Variants in SCFD2 observed in about 807,000 individuals in gnomAD.
SCFD2 encodes the protein sec1 family domain-containing protein 2.
A neutral mutation model predicts 58.9 loss-of-function variants in SCFD2; 54 were observed. The observed-to-expected ratio is 0.92, with a 90% CI of 0.74 to 1.15. SCFD2 has a LOEUF of 1.15. Among genes scored for constraint, SCFD2 ranks in the 50% most tolerant of loss-of-function variants. The pLI is 0.00. For synonymous variants in SCFD2, 321 were observed against 335.9 expected, an observed-to-expected ratio of 0.96 and a Z score of 0.49; for missense variants, 805 against 836.6, an observed-to-expected ratio of 0.96 and a Z score of 0.47.
chr4:53,122,636 A>C (rs1725513235), intron 5 of SCFD2, among the ~76,000 whole-genome samples: 1 of 152,226 alleles, frequency 6.6e-6, no homozygotes, highest in African/African-American at 2.4e-5. Flanking sequence ...CTTCGACTCC[A>C]GATGGGCCTA....
chr4:53,179,856 C>T (rs575671754), intron 4 of SCFD2, among the ~76,000 whole-genome samples: 17 of 152,078 alleles, frequency 1.1e-4, no homozygotes, highest in Non-Finnish European at 2.2e-4. Context: ...CAATCCTAGT[C>T]TCTGATAAAA....
chr4:53,212,144 T>C (rs1386140571), intron 4 of SCFD2, among the ~76,000 whole-genome samples: 2 of 152,124 alleles, frequency 1.3e-5, no homozygotes, highest in African/African-American at 4.8e-5. Context: ...CTATTCCTTC[T>C]GCTGGGGAAA....
At chr4:53,306,826 C>A (rs971588750) in intron 3 of SCFD2, among the ~76,000 whole-genome samples, 2 of 152,146 alleles carry the variant, frequency 1.3e-5, no homozygotes, top group Non-Finnish European at 2.9e-5. Flanking sequence ...TGTGGTTCCA[C>A]AGAGAAAGTG....
chr4:52,890,130 ATTG>A (rs2109451857), intron 7 of SCFD2, among the ~76,000 whole-genome samples: 1 of 152,296 alleles, frequency 6.6e-6, no homozygotes, highest in South Asian at 2.1e-4. Context: ...CCTACAAACA[ATTG>A]TTGTTTCTCA....
At chr4:53,088,299 G>A (rs1724372362) in intron 5 of SCFD2, among the ~76,000 whole-genome samples, 1 of 152,144 alleles carries the variant, frequency 6.6e-6, no homozygotes, top group African/African-American at 2.4e-5. Context: ...GACCATCATT[G>A]CACAATCAGC....
intron 5 of SCFD2, among the ~76,000 whole-genome samples, chr4:53,023,222 T>C (rs1722392173): frequency 6.6e-6 from 1 of 152,196 alleles, no homozygotes; most frequent in Non-Finnish European, 1.5e-5. Flanking sequence ...CATTCCTTCA[T>C]TCTGATTTGA....
chr4:53,345,326 G>T (rs1734024399), intron 2 of SCFD2, among the ~76,000 whole-genome samples: 1 of 152,160 alleles, frequency 6.6e-6, no homozygotes. Context: ...CATTTATGCA[G>T]CCAACAGACA....
At chr4:53,016,737 T>G (rs1343843780) in intron 5 of SCFD2, among the ~76,000 whole-genome samples, 1 of 152,200 alleles carries the variant, frequency 6.6e-6, no homozygotes, top group South Asian at 2.1e-4. Context: ...TTGTAGGGAT[T>G]TTTTTAAAAA....
intron 5 of SCFD2, among the ~76,000 whole-genome samples, chr4:53,065,616 T>G (rs142203741): frequency 6.6e-6 from 1 of 152,128 alleles, no homozygotes; most frequent in East Asian, 1.9e-4. Flanking sequence ...TAGTATCTTT[T>G]AGGTCAACAT....
chr4:53,258,577 T>TATATATATATATAC (rs757658747), intron 4 of SCFD2, among the ~76,000 whole-genome samples: 290 of 121,014 alleles, frequency 2.4e-3, no homozygotes, highest in African/African-American at 4.5e-3. Context: ...TATATATATA[T>TATATATATATATAC]ACACACACAT....
chr4:53,096,481 T>C (rs1480402210), intron 5 of SCFD2, among the ~76,000 whole-genome samples: 1 of 152,206 alleles, frequency 6.6e-6, no homozygotes, highest in African/African-American at 2.4e-5. Context: ...ATGATGAGCA[T>C]TTGTTCATGT....
At chr4:53,173,116 TAC>T (rs931349172) in intron 4 of SCFD2, among the ~76,000 whole-genome samples, 9 of 152,324 alleles carry the variant, frequency 5.9e-5, no homozygotes, top group Admixed American at 1.3e-4. Flanking sequence ...TTTGTCTCTT[TAC>T]AGTTTTTGAC....
At chr4:52,895,148 T>A (rs1718973050) in intron 7 of SCFD2, among the ~76,000 whole-genome samples, 1 of 152,136 alleles carries the variant, frequency 6.6e-6, no homozygotes, top group African/African-American at 2.4e-5. Context: ...CATGACAGTA[T>A]TTTCTGCTCC....
rs201279689 is a variant in SCFD2, at chr4:53,169,227, T to C, written c.1312-23645A>G. Among the ~76,000 whole-genome samples the C allele has an allele frequency of 1.1e-4, 16 of 152,002 alleles. No individual in the cohort carries two copies. In the East Asian group the frequency reaches 2.9e-3, roughly 28 times the overall value. On this transcript the variant is annotated intron_variant, in intron 4 of 8. Coordinates refer to ENST00000401642, the MANE Select transcript of SCFD2 (RefSeq NM_152540.4). ...CCCATCTCTACTAAAAATACAAAAA[T>C]TAGCTGGGCGCCTGTAATCCCAGCT... is the stretch of plus-strand genomic sequence containing the variant.
At chr4:52,993,446 TTTTA>T (rs1721669301) in intron 5 of SCFD2, among the ~76,000 whole-genome samples, 1 of 152,258 alleles carries the variant, frequency 6.6e-6, no homozygotes, top group Non-Finnish European at 1.5e-5. Flanking sequence ...TAATTGAATA[TTTTA>T]TTTATGTGCG....
At chr4:52,932,248 A>C (rs1720015083) in intron 5 of SCFD2, among the ~76,000 whole-genome samples, 2 of 152,234 alleles carry the variant, frequency 1.3e-5, no homozygotes, top group African/African-American at 2.4e-5. Flanking sequence ...TCTCTGGAAA[A>C]TGCTTTTCTT....
intron 4 of SCFD2, among the ~76,000 whole-genome samples, chr4:53,180,129 C>T (rs985332731): frequency 2.0e-5 from 3 of 152,322 alleles, no homozygotes; most frequent in African/African-American, 4.8e-5. Flanking sequence ...AGGAATTGAA[C>T]TCAGCTCTGC....
At chr4:52,946,669 T>C (rs552800461) in intron 5 of SCFD2, among the ~76,000 whole-genome samples, 1 of 152,204 alleles carries the variant, frequency 6.6e-6, no homozygotes, top group Non-Finnish European at 1.5e-5. Context: ...TAAAGCCACT[T>C]ATTTTAATTT....
At chr4:52,902,860 C>T (rs2109466478) in intron 7 of SCFD2, among the ~76,000 whole-genome samples, 1 of 152,304 alleles carries the variant, frequency 6.6e-6, no homozygotes, top group South Asian at 2.1e-4. Flanking sequence ...GTTACCACTA[C>T]TTTCTGTTGG....
Sources: gnomAD v4.1 joint callset for allele counts (sites outside exome capture counted in the v4.1 genomes callset) on GRCh38, gnomAD v4.1.1 for gene constraint, MANE v1.5 for transcripts, NCBI Gene and HGNC (gene_info 2026-07-23, HGNC 2026-07-21) for gene names.